The following FBXO11 variants were observed in gnomAD, a reference collection of about 807,000 sequenced individuals.
The protein encoded by FBXO11 is F-box only protein 11.
Under a neutral mutation model 117.0 loss-of-function variants are expected in FBXO11, and 13 were observed. That is an observed-to-expected ratio of 0.11 (90% confidence interval 0.07 to 0.18). The LOEUF (loss-of-function observed/expected upper bound fraction) is 0.18. FBXO11 is among the 10% of genes least tolerant of loss of function. The probability of loss-of-function intolerance (pLI) is 1.00; values close to 1 mark genes in which losing one functional copy is unlikely to be tolerated. For missense variants in FBXO11, 767 were observed against 1,164.4 expected, an observed-to-expected ratio of 0.66 and a Z score of 4.97; for synonymous variants, 490 against 380.5, an observed-to-expected ratio of 1.29 and a Z score of -3.35.
chr2:47,879,611 G>A (rs1053984050), intron 1 of FBXO11, among the ~76,000 whole-genome samples: 7 of 152,272 alleles, frequency 4.6e-5, no homozygotes, highest in Non-Finnish European at 1.0e-4. Context: ...TTGTTATCAA[G>A]TTTCCAAGTA....
intron 1 of FBXO11, among the ~76,000 whole-genome samples, chr2:47,848,640 G>T (rs551809940): frequency 1.3e-5 from 2 of 152,262 alleles, no homozygotes; most frequent in Admixed American, 1.3e-4. Flanking sequence ...CAAATCCTAT[G>T]CTATAAATAC....
At chr2:47,852,144 C>T (rs1164852639) in intron 1 of FBXO11, among the ~76,000 whole-genome samples, 1 of 152,114 alleles carries the variant, frequency 6.6e-6, no homozygotes, top group Non-Finnish European at 1.5e-5. Context: ...CACCTGCCAC[C>T]ACACCCGGCT....
chr2:47,864,500 T>C (rs770008660), intron 1 of FBXO11, among the ~76,000 whole-genome samples: 3 of 152,082 alleles, frequency 2.0e-5, no homozygotes, highest in African/African-American at 7.2e-5. Context: ...GGCAGGAGAA[T>C]TGCTTGAACC....
In FBXO11 at chr2:47,839,424, A is replaced by T. The variant is rs1672848297; in HGVS notation, c.437T>A (p.Leu146Gln). The T allele has an allele frequency of 5.0e-6, 8 of 1,612,050 alleles. No homozygotes were observed. Among genetic ancestry groups the T allele is most frequent in the Non-Finnish European group, 6.8e-6 (8 of 1,179,384 alleles). ...RARVSGKSQD[L>Q]SAAPAEQYLQ... ...TACTTTCCCACAGGAAATACCTGAT[A>T]GATCTTGTGATTTTCCAGACACTCT... The change falls in exon 3 of 23, where the codon CTA (leucine) becomes CAA (glutamine). Residue 146 changes from leucine (L) to glutamine (Q), a missense_variant. Physicochemically the swap from Leu to Gln is moderately radical, Grantham distance 113 (BLOSUM62 -2). Transcript: ENST00000403359.
chr2:47,842,437 T>C (rs1673085774), intron 1 of FBXO11, among the ~76,000 whole-genome samples: 2 of 152,224 alleles, frequency 1.3e-5, no homozygotes, highest in East Asian at 3.8e-4. Flanking sequence ...AGCTGTGTAT[T>C]TGTGTTTTAT....
At chr2:47,829,268 T>A (rs571583673) in intron 11 of FBXO11, among the ~76,000 whole-genome samples, 22 of 146,178 alleles carry the variant, frequency 1.5e-4, no homozygotes, top group African/African-American at 5.1e-4. Flanking sequence ...TGAGACAGAG[T>A]CTTGCTCTGT....
chr2:47,809,586 A>T lies in FBXO11; in HGVS notation c.2446+14T>A. 6.4e-7 allele frequency: 1 copy of T among 1,565,920 alleles called. No homozygotes were observed. Among genetic ancestry groups the T allele is most frequent in the Non-Finnish European group, 8.8e-7 (1 of 1,137,676 alleles). ...TATTGCATATATTTATAGGTATAGC[A>T]GACTCCAACATACCTTTCATTGTCA... On this transcript the variant is annotated intron_variant, in intron 20 of 22. Coordinates refer to ENST00000403359, the MANE Select transcript of FBXO11 (RefSeq NM_001190274.2).
intron 1 of FBXO11, among the ~76,000 whole-genome samples, chr2:47,900,138 C>T (rs765845943): frequency 2.9e-4 from 44 of 152,044 alleles, no homozygotes; most frequent in Non-Finnish European, 3.8e-4. Flanking sequence ...AGCTCTTAGG[C>T]CTCATCAGCA....
chr2:47,870,470 T>G (rs1175030623), intron 1 of FBXO11, among the ~76,000 whole-genome samples: 2 of 152,162 alleles, frequency 1.3e-5, no homozygotes, highest in Non-Finnish European at 2.9e-5. Flanking sequence ...ATAGGACTAG[T>G]GTCCTCATAA....
At position 47,832,695 on chromosome 2, in the gene FBXO11, T is replaced by C. The variant is rs770247356; in HGVS notation, c.1154-17A>G. On this transcript the variant is annotated splice_polypyrimidine_tract_variant and intron_variant, in intron 9 of 22. Coordinates refer to ENST00000403359, the MANE Select transcript of FBXO11 (RefSeq NM_001190274.2). ...CAGAACCAACTGTAGAAAAATTATT[T>C]ATTTATGTAAAAACCTACTGGGCAA... 10 of 1,611,586 alleles carry C rather than the reference T, an allele frequency of 6.2e-6. No individual in the cohort carries two copies. The highest frequency in any genetic ancestry group is 8.5e-6 in the Non-Finnish European group (10 of 1,178,448).
chr2:47,838,833 TTAA>T, intron 4 of FBXO11, 23 bp downstream of exon 4: 1 of 1,597,244 alleles, frequency 6.3e-7, no homozygotes, highest in Middle Eastern at 1.7e-4. Context: ...ATATCTCAAG[TTAA>T]TAAGGAATAG....
intron 1 of FBXO11, among the ~76,000 whole-genome samples, chr2:47,867,167 T>G (rs1035919866): frequency 6.6e-6 from 1 of 152,206 alleles, no homozygotes; most frequent in Non-Finnish European, 1.5e-5. Flanking sequence ...ATCAGTCAGA[T>G]AGGCTAGTTT....
At chr2:47,827,051 A>C (rs1388914439) in intron 11 of FBXO11, among the ~76,000 whole-genome samples, 1 of 152,228 alleles carries the variant, frequency 6.6e-6, no homozygotes, top group Non-Finnish European at 1.5e-5. Flanking sequence ...TTAAGGATTA[A>C]ATATGTCACC....
chr2:47,851,180 T>C lies in FBXO11; in HGVS notation c.233-11411A>G, dbSNP rs549498356. 2.0e-5 allele frequency among the ~76,000 whole-genome samples: 3 copies of C among 152,344 alleles called. No homozygotes were observed. The South Asian group carries it at 6.2e-4, about 32-fold the overall frequency. ...AATTAAGTCAAACCTAGCTTTAGCC[T>C]AACCTTGGACTCACAGACGTTATTA... is the stretch of plus-strand genomic sequence containing the variant. On this transcript the variant is annotated intron_variant, in intron 1 of 22. Transcript: ENST00000403359.
At chr2:47,871,397 G>C (rs1294649185) in intron 1 of FBXO11, among the ~76,000 whole-genome samples, 2 of 152,164 alleles carry the variant, frequency 1.3e-5, no homozygotes, top group Admixed American at 1.3e-4. Context: ...AATGACTATA[G>C]CCCTGGCCGA....
At chr2:47,891,773 C>G (rs993445012) in intron 1 of FBXO11, among the ~76,000 whole-genome samples, 1 of 152,126 alleles carries the variant, frequency 6.6e-6, no homozygotes, top group Non-Finnish European at 1.5e-5. Flanking sequence ...CGTATCTTCA[C>G]CAACACTTGT....
chr2:47,897,844 A>C (rs1677793826), intron 1 of FBXO11, among the ~76,000 whole-genome samples: 1 of 152,164 alleles, frequency 6.6e-6, no homozygotes, highest in African/African-American at 2.4e-5. Context: ...TTATCAGAAA[A>C]ATAACTAAAA....
intron 1 of FBXO11, among the ~76,000 whole-genome samples, chr2:47,893,872 T>G (rs1572918396): frequency 6.6e-6 from 1 of 152,360 alleles, no homozygotes; most frequent in African/African-American, 2.4e-5. Flanking sequence ...TGGCAACATT[T>G]ACTGAATGTG....
At chr2:47,874,960 A>G (rs991048141) in intron 1 of FBXO11, among the ~76,000 whole-genome samples, 8 of 151,384 alleles carry the variant, frequency 5.3e-5, no homozygotes, top group Admixed American at 2.6e-4. Flanking sequence ...TAAAAATACC[A>G]TATTTTCTTT....
Sources: gnomAD v4.1 joint callset for allele counts (sites outside exome capture counted in the v4.1 genomes callset) on GRCh38, gnomAD v4.1.1 for gene constraint, MANE v1.5 for transcripts, NCBI Gene and HGNC (gene_info 2026-07-23, HGNC 2026-07-21) for gene names.